The following MVB12B variants were observed in gnomAD, a reference collection of about 807,000 sequenced individuals.
MVB12B encodes the protein multivesicular body subunit 12B.
Under a neutral mutation model 41.6 loss-of-function variants are expected in MVB12B, and 16 were observed. The observed-to-expected ratio is 0.38, with a 90% CI of 0.26 to 0.58. MVB12B has a LOEUF of 0.58. MVB12B is among the 20% of genes least tolerant of loss of function. The probability of loss-of-function intolerance (pLI) is 0.62; values close to 1 mark genes in which losing one functional copy is unlikely to be tolerated. For synonymous variants in MVB12B, 133 were observed against 139.7 expected, an observed-to-expected ratio of 0.95 and a Z score of 0.34; for missense variants, 274 against 380.2, an observed-to-expected ratio of 0.72 and a Z score of 2.32.
At chr9:126,447,226 T>G (rs2119152737) in intron 7 of MVB12B, among the ~76,000 whole-genome samples, 1 of 150,030 alleles carries the variant, frequency 6.7e-6, no homozygotes, top group Admixed American at 6.6e-5. Context: ...ATTACAGGCA[T>G]GAACCACACT....
chr9:126,384,616 C>G (rs974130323), intron 3 of MVB12B, among the ~76,000 whole-genome samples: 8 of 152,124 alleles, frequency 5.3e-5, no homozygotes, highest in African/African-American at 1.9e-4. Flanking sequence ...GCAGCCTCCA[C>G]CTCCTGGGTT....
Position 126,505,660 on chromosome 9 carries a change from GTGTGTGTGTGTGTGTGTGTA to G in MVB12B, c.*2399_*2418del, listed in dbSNP as rs1834050811. ...GGTGAGGACAAGCATGTGCCTGTGTGTGTGTGTGTGTGTGTGTGTATATGTGTGTGTGTGCACGCACATGC... is the reference window on the plus strand; with the variant it reads ...GGTGAGGACAAGCATGTGCCTGTGTGTATGTGTGTGTGTGCACGCACATGC... On this transcript the variant is annotated 3_prime_UTR_variant, in exon 10 of 10. Coordinates refer to ENST00000361171, the MANE Select transcript of MVB12B (RefSeq NM_033446.3). 1 of 134,718 alleles carries G rather than the reference GTGTGTGTGTGTGTGTGTGTA, an allele frequency of 7.4e-6. No homozygotes were observed. The highest frequency in any genetic ancestry group is 7.2e-5 in the Admixed American group (1 of 13,892). The allele number at this position is 134,718 out of a possible 1,614,324, so 8.3% of individuals were successfully genotyped here. A position where few individuals can be genotyped will look rare whatever the true frequency, so the allele number is the denominator to read the frequency against.
intron 2 of MVB12B, among the ~76,000 whole-genome samples, chr9:126,365,351 GAGAC>G (rs1263248610): frequency 2.3e-5 from 2 of 86,922 alleles, no homozygotes; most frequent in Non-Finnish European, 4.6e-5. Flanking sequence ...TTTTTTTTAA[GAGAC>G]AGAGTCTCGC....
At chr9:126,373,593 A>T (rs1223308764) in intron 2 of MVB12B, among the ~76,000 whole-genome samples, 1 of 152,218 alleles carries the variant, frequency 6.6e-6, no homozygotes, top group Non-Finnish European at 1.5e-5. Context: ...GTGTAAACAG[A>T]TTGATGAAAT....
intron 6 of MVB12B, among the ~76,000 whole-genome samples, chr9:126,413,569 A>G (rs138271470): frequency 2.0e-5 from 3 of 152,320 alleles, no homozygotes; most frequent in African/African-American, 4.8e-5. Flanking sequence ...AATTTGAATC[A>G]TCTGGAATGT....
At chr9:126,488,505 C>T (rs1833668642) in intron 9 of MVB12B, among the ~76,000 whole-genome samples, 1 of 152,188 alleles carries the variant, frequency 6.6e-6, no homozygotes, top group African/African-American at 2.4e-5. Context: ...CAGGGGGAGG[C>T]TGCTCTGTGC....
At chr9:126,350,743 C>T (rs1235975602) in intron 2 of MVB12B, among the ~76,000 whole-genome samples, 1 of 152,198 alleles carries the variant, frequency 6.6e-6, no homozygotes, top group Non-Finnish European at 1.5e-5. Context: ...CTCTTAAAGG[C>T]CCCACCTCTC....
At chr9:126,336,434 G>T (rs1404556743) in intron 1 of MVB12B, among the ~76,000 whole-genome samples, 1 of 152,228 alleles carries the variant, frequency 6.6e-6, no homozygotes, top group Non-Finnish European at 1.5e-5. Flanking sequence ...GTAATTCTTT[G>T]ATCAGCTACA....
rs1830475595 is a variant in MVB12B, at chr9:126,376,169, C to G, written c.205-4895C>G. Among the ~76,000 whole-genome samples, 1 of 152,190 alleles carries G rather than the reference C, an allele frequency of 6.6e-6. No individual in the cohort carries two copies. Among genetic ancestry groups the G allele is most frequent in the African/African-American group, 2.4e-5 (1 of 41,442 alleles). On this transcript the variant is annotated intron_variant, in intron 2 of 9. Coordinates refer to ENST00000361171, the MANE Select transcript of MVB12B (RefSeq NM_033446.3). This position sits in a 1 kb window ranked among gnomAD's most constrained non-coding sequence, Gnocchi z 4.1. Reference sequence around the variant, plus strand: ...TGGAAGATTTCCTCAGCTTTCTCTTCCAGTGTTTACAGTTTCTAATCTCTT... The same window carrying G: ...TGGAAGATTTCCTCAGCTTTCTCTTGCAGTGTTTACAGTTTCTAATCTCTT...
intron 2 of MVB12B, among the ~76,000 whole-genome samples, chr9:126,351,086 A>G (rs1243928830): frequency 3.3e-5 from 5 of 152,210 alleles, no homozygotes; most frequent in African/African-American, 9.7e-5. Context: ...GTTTTCAGCA[A>G]ACAAGCTCTA....
intron 7 of MVB12B, among the ~76,000 whole-genome samples, chr9:126,445,855 C>G (rs868220369): frequency 1.3e-5 from 2 of 152,218 alleles, no homozygotes; most frequent in Middle Eastern, 3.4e-3. Context: ...CTTGTTATTT[C>G]CAATAGCCTC....
At chr9:126,479,070 G>A (rs915747022) in intron 7 of MVB12B, among the ~76,000 whole-genome samples, 1 of 152,144 alleles carries the variant, frequency 6.6e-6, no homozygotes, top group South Asian at 2.1e-4. Flanking sequence ...AAGAGAAGCT[G>A]TGGAAGAGAT....
At chr9:126,410,259 G>A (rs1309264027) in intron 6 of MVB12B, among the ~76,000 whole-genome samples, 2 of 152,136 alleles carry the variant, frequency 1.3e-5, no homozygotes, top group Admixed American at 1.3e-4. Flanking sequence ...GGTTGGAGTT[G>A]CATTGGTCGT....
rs1421301734 is a variant in MVB12B at position 126,480,516 on chromosome 9, C to T, written c.758-853C>T. 6.6e-6 allele frequency among the ~76,000 whole-genome samples: 1 copy of T among 152,184 alleles called. No homozygotes were observed. The highest frequency in any genetic ancestry group is 1.5e-5 in the Non-Finnish European group (1 of 68,026). On this transcript the variant is annotated intron_variant, in intron 7 of 9. Coordinates refer to ENST00000361171, the MANE Select transcript of MVB12B (RefSeq NM_033446.3). This position sits in a 1 kb window ranked among gnomAD's most constrained non-coding sequence, Gnocchi z 4.9. ...GTTTCTGTCCGTGTGCTTTTGAAAGCGATCCCCTGGGACAGGGCGGAGGGA... is the reference window on the plus strand; with the variant it reads ...GTTTCTGTCCGTGTGCTTTTGAAAGTGATCCCCTGGGACAGGGCGGAGGGA...
At chr9:126,399,001 T>A (rs1588140048) in intron 6 of MVB12B, among the ~76,000 whole-genome samples, 1 of 152,240 alleles carries the variant, frequency 6.6e-6, no homozygotes, top group Admixed American at 6.5e-5. Flanking sequence ...CTGCCTTCTC[T>A]GTCCAAAAGC....
At chr9:126,453,065 G>A (rs1406365655) in intron 7 of MVB12B, among the ~76,000 whole-genome samples, 1 of 151,666 alleles carries the variant, frequency 6.6e-6, no homozygotes, top group African/African-American at 2.4e-5. Flanking sequence ...CTATCAAGAG[G>A]GGCTGAAAAT....
chr9:126,344,816 G>A (rs560389513), intron 2 of MVB12B, among the ~76,000 whole-genome samples: 13 of 152,330 alleles, frequency 8.5e-5, no homozygotes, highest in African/African-American at 1.4e-4. Flanking sequence ...ATCCCATGGC[G>A]GAAGTCGGAG....
intron 2 of MVB12B, among the ~76,000 whole-genome samples, chr9:126,369,402 A>G (rs954995195): frequency 2.6e-5 from 4 of 152,348 alleles, no homozygotes; most frequent in Admixed American, 6.5e-5. Context: ...TGTATCCACC[A>G]TGCAGCTCTT....
rs553523442 is a variant in MVB12B at position 126,496,182 on chromosome 9, T to A, written c.874-6995T>A. Among the ~76,000 whole-genome samples the A allele has an allele frequency of 8.2e-5, 12 of 146,150 alleles. No homozygotes were observed. The South Asian group carries it at 2.7e-3, about 32-fold the overall frequency. ...TGTGTCTCTTCACTCACCATCGACT[T>A]GTCCACCCACCCACCCACCTACCCA... On this transcript the variant is annotated intron_variant, in intron 9 of 9. Coordinates refer to ENST00000361171, the MANE Select transcript of MVB12B (RefSeq NM_033446.3).
Sources: gnomAD v4.1 joint callset for allele counts (sites outside exome capture counted in the v4.1 genomes callset) on GRCh38, gnomAD v4.1.1 for gene constraint, Gnocchi (gnomAD v3.1) non-coding constraint, MANE v1.5 for transcripts, NCBI Gene and HGNC (gene_info 2026-07-23, HGNC 2026-07-21) for gene names.